Variants in KLHL1 observed in about 807,000 individuals in gnomAD.
KLHL1 encodes kelch like family member 1.
In KLHL1, 47 loss-of-function variants were observed where a neutral mutation model predicts 77.7. The observed-to-expected ratio is 0.60, with a 90% CI of 0.48 to 0.77. KLHL1 has a LOEUF of 0.77. Among genes scored for constraint, KLHL1 ranks in the 30% least tolerant of loss-of-function variants. The probability of loss-of-function intolerance (pLI) is 0.00; values close to 1 mark genes in which losing one functional copy is unlikely to be tolerated. For synonymous variants in KLHL1, 360 were observed against 325.2 expected (o/e 1.11, Z -1.15); for missense variants, 925 against 910.8 (o/e 1.02, Z -0.20).
chr13:70,075,360 A>C (rs1362141697), intron 1 of KLHL1, among the ~76,000 whole-genome samples: 1 of 151,480 alleles, frequency 6.6e-6, no homozygotes, highest in Admixed American at 6.6e-5. Flanking sequence ...AAAAGCTATA[A>C]AAATTGAAAA....
At chr13:69,941,046 C>CAATTGTATATACAATTGTATAT (rs1234513617) in intron 3 of KLHL1, among the ~76,000 whole-genome samples, 4 of 151,734 alleles carry the variant, frequency 2.6e-5, no homozygotes, top group Admixed American at 2.0e-4. Flanking sequence ...TATAATTGTA[C>CAATTGTATATACAATTGTATAT]AATTGTATAT....
At chr13:69,992,098 A>G (rs1377702450) in intron 1 of KLHL1, among the ~76,000 whole-genome samples, 1 of 152,012 alleles carries the variant, frequency 6.6e-6, no homozygotes, top group Admixed American at 6.6e-5. Context: ...GACACAGAAT[A>G]TTAGTATATG....
At position 69,764,553 on chromosome 13, in the gene KLHL1, A is replaced by G. The variant is rs543749606; in HGVS notation, c.1640-23997T>C. On this transcript the variant is annotated intron_variant, in intron 7 of 10. Coordinates refer to ENST00000377844, the MANE Select transcript of KLHL1 (RefSeq NM_020866.3). ...TTTCTACTAAAAAATGGCACAAAGA[A>G]AAAATACTTTGCATCGCTATCATGA... Among the ~76,000 whole-genome samples the G allele has an allele frequency of 2.0e-4, 31 of 152,324 alleles. No individual in the cohort carries two copies. In the South Asian group the frequency reaches 6.0e-3, roughly 30 times the overall value.
At chr13:69,799,464 A>T (rs936329968) in intron 6 of KLHL1, among the ~76,000 whole-genome samples, 1 of 152,216 alleles carries the variant, frequency 6.6e-6, no homozygotes. Flanking sequence ...ACATGACAGG[A>T]TTTTTAACCT....
intron 1 of KLHL1, among the ~76,000 whole-genome samples, chr13:70,057,226 G>A (rs1488232192): frequency 6.6e-6 from 1 of 151,996 alleles, no homozygotes; most frequent in African/African-American, 2.4e-5. Context: ...TACCAAGATT[G>A]AACCATGAAG....
chr13:69,805,670 C>A (rs1267005645), intron 6 of KLHL1, among the ~76,000 whole-genome samples: 1 of 149,986 alleles, frequency 6.7e-6, no homozygotes, highest in Non-Finnish European at 1.5e-5. Flanking sequence ...AAGGTCAGTA[C>A]CAGCTCTAGA....
At chr13:69,962,441 C>A (rs1884093466) in intron 2 of KLHL1, among the ~76,000 whole-genome samples, 1 of 151,882 alleles carries the variant, frequency 6.6e-6, no homozygotes, top group Non-Finnish European at 1.5e-5. Context: ...TTCTGTATAA[C>A]TCCTCTTCTT....
At chr13:69,747,698 A>T (rs1287076783) in intron 7 of KLHL1, among the ~76,000 whole-genome samples, 1 of 151,994 alleles carries the variant, frequency 6.6e-6, no homozygotes, top group Non-Finnish European at 1.5e-5. Context: ...CATCTTTAGG[A>T]GAAAGTTTTA....
chr13:70,060,075 G>GA (rs1886841641), intron 1 of KLHL1, among the ~76,000 whole-genome samples: 1 of 152,110 alleles, frequency 6.6e-6, no homozygotes, highest in African/African-American at 2.4e-5. Flanking sequence ...AAGGAACTTG[G>GA]AAAAATCCAA....
rs551358036 is a variant in KLHL1 at position 70,010,457 on chromosome 13, A to G, written c.498-34655T>C. Among the ~76,000 whole-genome samples, 3 of 152,288 alleles carry G rather than the reference A, an allele frequency of 2.0e-5. No homozygotes were observed. In the East Asian group the frequency reaches 5.8e-4, roughly 29 times the overall value. On this transcript the variant is annotated intron_variant, in intron 1 of 10. Transcript: ENST00000377844. ...TAAATATAGAATATGACTGAAAGAG[A>G]GGAAAAGACAAACTCAAAATTATTC... is the stretch of plus-strand genomic sequence containing the variant.
intron 8 of KLHL1, among the ~76,000 whole-genome samples, chr13:69,730,595 A>G (rs1318808153): frequency 2.0e-5 from 3 of 151,914 alleles, no homozygotes; most frequent in Non-Finnish European, 4.4e-5. Context: ...TTTCCTGGAT[A>G]CAGGATCTTG....
At chr13:69,879,926 T>C (rs1234821635) in intron 5 of KLHL1, among the ~76,000 whole-genome samples, 1 of 152,166 alleles carries the variant, frequency 6.6e-6, no homozygotes, top group Non-Finnish European at 1.5e-5. Flanking sequence ...GATAAAATCG[T>C]TTGGTAACTA....
intron 5 of KLHL1, among the ~76,000 whole-genome samples, chr13:69,864,154 A>T (rs563228185): frequency 2.0e-5 from 3 of 152,124 alleles, no homozygotes; most frequent in African/African-American, 7.2e-5. Flanking sequence ...CTTTTATAAA[A>T]GCAAGAAGTA....
chr13:69,876,289 T>G (rs552259733), intron 5 of KLHL1, among the ~76,000 whole-genome samples: 2 of 152,194 alleles, frequency 1.3e-5, no homozygotes, highest in Admixed American at 6.5e-5. Flanking sequence ...ATGTTTTAGT[T>G]GTAGCTATAA....
At chr13:69,848,824 G>A (rs1879572492) in intron 5 of KLHL1, among the ~76,000 whole-genome samples, 1 of 151,402 alleles carries the variant, frequency 6.6e-6, no homozygotes, top group African/African-American at 2.4e-5. Flanking sequence ...GACAGTATAA[G>A]TACAGAAGAA....
intron 4 of KLHL1, among the ~76,000 whole-genome samples, chr13:69,932,176 T>C (rs1251356498): frequency 6.6e-6 from 1 of 151,874 alleles, no homozygotes; most frequent in African/African-American, 2.4e-5. Context: ...GACAGCTGTG[T>C]GTTGCCTTAT....
intron 1 of KLHL1, among the ~76,000 whole-genome samples, chr13:70,008,237 T>A (rs2137334066): frequency 6.6e-6 from 1 of 152,190 alleles, no homozygotes; most frequent in East Asian, 1.9e-4. Flanking sequence ...TCTTTTGGAA[T>A]GTTTACATTA....
At chr13:69,785,460 G>C (rs1360035244) in intron 7 of KLHL1, among the ~76,000 whole-genome samples, 1 of 152,080 alleles carries the variant, frequency 6.6e-6, no homozygotes, top group Non-Finnish European at 1.5e-5. Flanking sequence ...AAACCTATGA[G>C]AACAAAGACA....
At chr13:69,738,959 C>T (rs141626060) in intron 8 of KLHL1, among the ~76,000 whole-genome samples, 2 of 152,170 alleles carry the variant, frequency 1.3e-5, no homozygotes, top group African/African-American at 4.8e-5. Context: ...ATCAGATTCG[C>T]CAAAGTCGAA....
Sources: allele counts gnomAD v4.1 joint callset (sites outside exome capture counted in the v4.1 genomes callset), GRCh38; gene constraint gnomAD v4.1.1; transcripts MANE v1.5; gene names NCBI Gene and HGNC (gene_info 2026-07-23, HGNC 2026-07-21).